Variants in HPSE2 observed in about 807,000 individuals in gnomAD.
HPSE2 encodes inactive heparanase-2.
Under a neutral mutation model 60.5 loss-of-function variants are expected in HPSE2, and 38 were observed. That is an observed-to-expected ratio of 0.63 (90% CI 0.48 to 0.82). HPSE2 has a LOEUF of 0.82. Ranked by LOEUF, HPSE2 falls within the 40% of genes least tolerant of loss-of-function variation. The probability of loss-of-function intolerance (pLI) is 0.00; values close to 1 mark genes in which losing one functional copy is unlikely to be tolerated. For synonymous variants in HPSE2, 295 were observed against 293.2 expected, an observed-to-expected ratio of 1.01 and a Z score of -0.06; for missense variants, 713 against 740.4, an observed-to-expected ratio of 0.96 and a Z score of 0.43.
chr10:98,669,662 G>C (rs988843709), intron 6 of HPSE2, among the ~76,000 whole-genome samples: 33 of 152,220 alleles, frequency 2.2e-4, no homozygotes, highest in African/African-American at 7.5e-4. Context: ...TCACCTACAA[G>C]TGAGAGCTAA....
At chr10:98,503,499 C>G (rs2133717208) in intron 9 of HPSE2, among the ~76,000 whole-genome samples, 1 of 152,278 alleles carries the variant, frequency 6.6e-6, no homozygotes, top group South Asian at 2.1e-4. Flanking sequence ...TTTCATCCAG[C>G]AATCCCACTA....
At chr10:98,994,945 G>T (rs573414818) in intron 3 of HPSE2, among the ~76,000 whole-genome samples, 3 of 152,198 alleles carry the variant, frequency 2.0e-5, no homozygotes, top group African/African-American at 7.2e-5. Flanking sequence ...CAGCACCTTT[G>T]GGCCAAGACC....
intron 3 of HPSE2, among the ~76,000 whole-genome samples, chr10:98,992,661 C>A (rs1387250632): frequency 6.6e-6 from 1 of 152,098 alleles, no homozygotes; most frequent in East Asian, 1.9e-4. Context: ...AAATTATATA[C>A]AAAAAATAGC....
At chr10:98,685,332 T>A (rs1055080890) in intron 6 of HPSE2, among the ~76,000 whole-genome samples, 2 of 152,192 alleles carry the variant, frequency 1.3e-5, no homozygotes, top group African/African-American at 4.8e-5. Context: ...AAATTTTGAT[T>A]AAATGCATAC....
intron 3 of HPSE2, among the ~76,000 whole-genome samples, chr10:98,987,832 C>T (rs1256714369): frequency 6.6e-6 from 1 of 152,008 alleles, no homozygotes; most frequent in Admixed American, 6.5e-5. Flanking sequence ...AAATCACAAG[C>T]ATTCTTATAC....
At chr10:99,008,470 G>A (rs2135392733) in intron 3 of HPSE2, among the ~76,000 whole-genome samples, 1 of 152,316 alleles carries the variant, frequency 6.6e-6, no homozygotes, top group Non-Finnish European at 1.5e-5. Flanking sequence ...TTGTAGGCTT[G>A]TTTCTAGACA....
chr10:99,258,923 T>C, the HPSE2 span, among the ~76,000 whole-genome samples: 1,613 of 152,306 alleles, frequency 0.011, 10 homozygotes, highest in Non-Finnish European at 0.018. Flanking sequence ...GAAGAAAACA[T>C]AGAAGTTCTT....
chr10:98,506,674 T>C (rs192531675), intron 9 of HPSE2, among the ~76,000 whole-genome samples: 6 of 152,274 alleles, frequency 3.9e-5, no homozygotes, highest in East Asian at 3.9e-4. Context: ...CCCACTCTGG[T>C]CTTAAACTCC....
intron 5 of HPSE2, among the ~76,000 whole-genome samples, chr10:98,697,533 T>C (rs1948260104): frequency 6.6e-6 from 1 of 152,158 alleles, no homozygotes; most frequent in Admixed American, 6.5e-5. Context: ...TATGACTGAC[T>C]GGAGTACCTG....
chr10:98,478,078 A>G lies in HPSE2; in HGVS notation c.1613+4558T>C, dbSNP rs1009359593. 7.9e-5 allele frequency among the ~76,000 whole-genome samples: 12 copies of G among 152,194 alleles called. 1 individual carries two copies. The highest frequency in any genetic ancestry group is 7.9e-4 in the Admixed American group (12 of 15,280). ...AAACAGTTGGGGACCACTGCCCTAGAGGACAGTGGCTATTGCTTTGTGATC... is the reference window on the plus strand; with the variant it reads ...AAACAGTTGGGGACCACTGCCCTAGGGGACAGTGGCTATTGCTTTGTGATC... On this transcript the variant is annotated intron_variant, in intron 11 of 11. Coordinates refer to ENST00000370552, the MANE Select transcript of HPSE2 (RefSeq NM_021828.5).
chr10:98,653,861 G>T (rs1946986674), intron 6 of HPSE2, among the ~76,000 whole-genome samples: 1 of 151,852 alleles, frequency 6.6e-6, no homozygotes, highest in Non-Finnish European at 1.5e-5. Flanking sequence ...TACCTGAAAA[G>T]CTTCTATCAA....
intron 3 of HPSE2, among the ~76,000 whole-genome samples, chr10:98,755,193 C>T (rs1325374328): frequency 6.6e-6 from 1 of 151,808 alleles, no homozygotes; most frequent in Non-Finnish European, 1.5e-5. Flanking sequence ...ACCAAGCAAA[C>T]AGAAAACAAA....
At chr10:98,633,423 A>G (rs1946417082) in intron 7 of HPSE2, among the ~76,000 whole-genome samples, 1 of 151,966 alleles carries the variant, frequency 6.6e-6, no homozygotes, top group Non-Finnish European at 1.5e-5. Flanking sequence ...AATGTTACCC[A>G]GGTTGGCCTC....
At chr10:99,101,032 A>C (rs544209188) in intron 3 of HPSE2, among the ~76,000 whole-genome samples, 1 of 152,196 alleles carries the variant, frequency 6.6e-6, no homozygotes, top group Admixed American at 6.5e-5. Flanking sequence ...CACTGCAAAA[A>C]CATGCCAAAT....
chr10:98,839,996 A>C (rs1401023631), intron 3 of HPSE2, among the ~76,000 whole-genome samples: 1 of 152,206 alleles, frequency 6.6e-6, no homozygotes, highest in East Asian at 1.9e-4. Context: ...CCTTATGACA[A>C]TCATTTAATT....
At chr10:98,773,996 G>T (rs910861351) in intron 3 of HPSE2, among the ~76,000 whole-genome samples, 4 of 152,162 alleles carry the variant, frequency 2.6e-5, no homozygotes, top group Non-Finnish European at 5.9e-5. Context: ...GGTCAAGGGT[G>T]CAGGGTGCAG....
At chr10:98,504,466 A>G (rs1344680814) in intron 9 of HPSE2, among the ~76,000 whole-genome samples, 1 of 152,110 alleles carries the variant, frequency 6.6e-6, no homozygotes, top group Admixed American at 6.6e-5. Flanking sequence ...TCTGAAGCAC[A>G]TGAGAACCTA....
chr10:98,763,552 C>A (rs1950054029), intron 3 of HPSE2, among the ~76,000 whole-genome samples: 1 of 151,958 alleles, frequency 6.6e-6, no homozygotes, highest in African/African-American at 2.4e-5. Flanking sequence ...CTTCTGCCAG[C>A]TCTCAAACAT....
intron 9 of HPSE2, among the ~76,000 whole-genome samples, chr10:98,509,255 A>C (rs569199372): frequency 2.0e-5 from 3 of 151,778 alleles, no homozygotes; most frequent in African/African-American, 7.3e-5. Flanking sequence ...CGGGGGTTGC[A>C]GTGAGCCAAG....
Sources: allele counts gnomAD v4.1 joint callset (sites outside exome capture counted in the v4.1 genomes callset), GRCh38; gene constraint gnomAD v4.1.1; transcripts MANE v1.5; gene names NCBI Gene and HGNC (gene_info 2026-07-23, HGNC 2026-07-21).